Variants in RAD51B observed in about 807,000 individuals in gnomAD.
The protein encoded by RAD51B is RAD51 paralog B, also known as DNA repair protein RAD51 homolog 2.
A neutral mutation model predicts 42.2 loss-of-function variants in RAD51B; 38 were observed. That is an observed-to-expected ratio of 0.90 (90% CI 0.70 to 1.18). The LOEUF (loss-of-function observed/expected upper bound fraction) is 1.18, where lower values mean the gene tolerates loss of function less well. Ranked by LOEUF, RAD51B falls within the 50% of genes most tolerant of loss-of-function variation. The pLI, the probability that RAD51B is intolerant of heterozygous loss-of-function variation, is 0.00. For missense variants in RAD51B, 373 were observed against 400.7 expected, an observed-to-expected ratio of 0.93 and a Z score of 0.59; for synonymous variants, 154 against 145.2, an observed-to-expected ratio of 1.06 and a Z score of -0.43.
At chr14:67,889,470 T>C (rs1448639612) in intron 7 of RAD51B, among the ~76,000 whole-genome samples, 2 of 149,614 alleles carry the variant, frequency 1.3e-5, no homozygotes, top group East Asian at 3.9e-4. Context: ...GCTATATATA[T>C]AAGCTTACCT....
intron 7 of RAD51B, among the ~76,000 whole-genome samples, chr14:68,001,557 G>A (rs1039898271): frequency 6.6e-6 from 1 of 152,148 alleles, no homozygotes; most frequent in Non-Finnish European, 1.5e-5. Flanking sequence ...CAACTTTTAA[G>A]CTCAGGGGTG....
At position 67,823,552 on chromosome 14, in the gene RAD51B, C is replaced by G. The variant is rs778062629; in HGVS notation, c.9C>G (p.Ser3Arg). 6.2e-7 allele frequency: 1 copy of G among 1,613,508 alleles called. No individual in the cohort carries two copies. The highest frequency in any genetic ancestry group is 1.3e-5 in the African/African-American group (1 of 74,960). Residue 3 changes from serine to arginine, a missense_variant, in exon 2 of 11, where the codon AGC (serine) becomes AGG (arginine). Ser to Arg is a moderately radical substitution (Grantham distance 110). Coordinates refer to ENST00000471583, the MANE Select transcript of RAD51B (RefSeq NM_133510.4). ...TTGCTGGATCTGGAGGCATGGGTAG[C>G]AAGAAACTAAAACGAGTGGGTTTAT... MG[S>R]KKLKRVGLSQ...
At chr14:68,488,431 C>A (rs971867743) in intron 10 of RAD51B, among the ~76,000 whole-genome samples, 1 of 152,104 alleles carries the variant, frequency 6.6e-6, no homozygotes, top group East Asian at 1.9e-4. Context: ...GACTAGGCCC[C>A]AACCTTGGGC....
intron 10 of RAD51B, among the ~76,000 whole-genome samples, chr14:68,643,329 G>GT (rs1892501615): frequency 6.6e-6 from 1 of 152,048 alleles, no homozygotes; most frequent in East Asian, 1.9e-4. Flanking sequence ...AGCTACTCCT[G>GT]TTTTCTTTTG....
At chr14:68,550,315 G>A (rs1888468830) in intron 10 of RAD51B, among the ~76,000 whole-genome samples, 2 of 152,224 alleles carry the variant, frequency 1.3e-5, no homozygotes, top group Non-Finnish European at 2.9e-5. Context: ...TTGTATAGCA[G>A]TTGTCTGTTG....
At chr14:68,655,106 G>T (rs1230838499) in intron 11 of RAD51B, among the ~76,000 whole-genome samples, 5 of 151,158 alleles carry the variant, frequency 3.3e-5, no homozygotes, top group Non-Finnish European at 4.4e-5. Flanking sequence ...TAGGTGAGTG[G>T]GTTGTGCCAG....
chr14:68,062,590 T>G (rs1308922329), intron 7 of RAD51B, among the ~76,000 whole-genome samples: 1 of 151,758 alleles, frequency 6.6e-6, no homozygotes, highest in Non-Finnish European at 1.5e-5. Context: ...GGTCAGGAGT[T>G]CGAGACCAGC....
chr14:68,562,160 G>A (rs1252703100), intron 10 of RAD51B: 5 of 985,280 alleles, frequency 5.1e-6, no homozygotes, highest in South Asian at 4.7e-5. Context: ...TTCTGAAGAG[G>A]CAACGCTTAC....
intron 9 of RAD51B, among the ~76,000 whole-genome samples, chr14:68,418,917 A>G (rs1480468391): frequency 6.6e-6 from 1 of 152,226 alleles, no homozygotes; most frequent in Non-Finnish European, 1.5e-5. Flanking sequence ...CTTTCACTAG[A>G]ACAAAAAGCA....
At chr14:68,258,101 A>G (rs964943514) in intron 7 of RAD51B, among the ~76,000 whole-genome samples, 1 of 152,152 alleles carries the variant, frequency 6.6e-6, no homozygotes, top group Non-Finnish European at 1.5e-5. Context: ...AACATAAGTG[A>G]GCTGTGTGAG....
intron 7 of RAD51B, among the ~76,000 whole-genome samples, chr14:68,248,072 G>C (rs991069052): frequency 3.0e-4 from 45 of 152,200 alleles, no homozygotes; most frequent in African/African-American, 1.0e-3. Context: ...CAGCGAGGAA[G>C]CTACTGAATT....
intron 7 of RAD51B, among the ~76,000 whole-genome samples, chr14:68,039,022 T>A (rs1240493197): frequency 6.6e-6 from 1 of 152,158 alleles, no homozygotes. Context: ...ATGGTAGAAG[T>A]ATTAACACCA....
intron 4 of RAD51B, among the ~76,000 whole-genome samples, chr14:67,856,540 A>G (rs1374608909): frequency 6.6e-6 from 1 of 152,150 alleles, no homozygotes; most frequent in East Asian, 1.9e-4. Context: ...TTTTTAAAAC[A>G]TGCTCACTGG....
chr14:67,893,537 G>C (rs1251412180), intron 7 of RAD51B, among the ~76,000 whole-genome samples: 1 of 149,544 alleles, frequency 6.7e-6, no homozygotes, highest in Non-Finnish European at 1.5e-5. Flanking sequence ...TGGGTGTGGT[G>C]CTACACACCT....
intron 10 of RAD51B, among the ~76,000 whole-genome samples, chr14:68,477,222 T>C (rs1260817697): frequency 6.6e-6 from 1 of 152,170 alleles, no homozygotes; most frequent in Admixed American, 6.5e-5. Context: ...AGTGGAAGTA[T>C]TGGGCATTTG....
chr14:68,013,444 T>C (rs2075721318), intron 7 of RAD51B, among the ~76,000 whole-genome samples: 1 of 152,162 alleles, frequency 6.6e-6, no homozygotes, highest in Non-Finnish European at 1.5e-5. Context: ...TGGAAGAGCA[T>C]GCTGGACCAG....
intron 7 of RAD51B, among the ~76,000 whole-genome samples, chr14:67,889,430 A>G (rs2043153832): frequency 6.6e-6 from 1 of 150,536 alleles, no homozygotes; most frequent in South Asian, 2.1e-4. Context: ...TATGTTATAT[A>G]TGATAATTTG....
At chr14:68,272,635 T>TTTTATATATATATATATATA (rs1555384972) in intron 7 of RAD51B, among the ~76,000 whole-genome samples, 2 of 19,850 alleles carry the variant, frequency 1.0e-4, no homozygotes, top group East Asian at 3.6e-3. Flanking sequence ...TATAAACACT[T>TTTTATATATATATATATATA]TATATATATA....
At chr14:67,935,326 A>G (rs1390917594) in intron 7 of RAD51B, among the ~76,000 whole-genome samples, 3 of 152,220 alleles carry the variant, frequency 2.0e-5, no homozygotes, top group African/African-American at 7.2e-5. Flanking sequence ...GTTGTATGCT[A>G]GAGATGGATT....
Sources: gnomAD v4.1 joint callset for allele counts (sites outside exome capture counted in the v4.1 genomes callset) on GRCh38, gnomAD v4.1.1 for gene constraint, MANE v1.5 for transcripts, NCBI Gene and HGNC (gene_info 2026-07-23, HGNC 2026-07-21) for gene names.